The following TNR variants were observed in gnomAD, a reference collection of about 807,000 sequenced individuals.
TNR encodes the protein tenascin-R.
A neutral mutation model predicts 150.4 loss-of-function variants in TNR; 45 were observed. That is an observed-to-expected ratio of 0.30 (90% CI 0.24 to 0.38). The LOEUF is 0.38. Among genes scored for constraint, TNR ranks in the 10% least tolerant of loss-of-function variants. The pLI is 1.00. For missense variants in TNR, 1,544 were observed against 1,759.1 expected (o/e 0.88, Z 2.19); for synonymous variants, 687 against 678.4 (o/e 1.01, Z -0.20).
intron 9 of TNR, among the ~76,000 whole-genome samples, chr1:175,372,544 G>C (rs566464737): frequency 1.6e-4 from 25 of 152,362 alleles, no homozygotes; most frequent in Admixed American, 1.4e-3. Context: ...ATTAGGGCTA[G>C]AAAGGAACAG....
At chr1:175,696,245 C>CTT (rs1239771931) in intron 1 of TNR, among the ~76,000 whole-genome samples, 779 of 45,776 alleles carry the variant, frequency 0.017, 21 homozygotes, top group African/African-American at 0.062. Context: ...TTTTTTTTTT[C>CTT]CAAAATTTAA....
intron 1 of TNR, among the ~76,000 whole-genome samples, chr1:175,709,250 G>A (rs1427821534): frequency 6.6e-6 from 1 of 150,854 alleles, no homozygotes; most frequent in Non-Finnish European, 1.5e-5. Context: ...CTTGTGTGTA[G>A]CTTCTTTGTA....
chr1:175,341,232 A>G (rs1193757870), intron 18 of TNR, among the ~76,000 whole-genome samples: 1 of 152,192 alleles, frequency 6.6e-6, no homozygotes, highest in East Asian at 1.9e-4. Context: ...CCCAACATAT[A>G]TCAGCTCAGT....
At chr1:175,603,255 T>C (rs1371588354) in intron 1 of TNR, among the ~76,000 whole-genome samples, 1 of 152,192 alleles carries the variant, frequency 6.6e-6, no homozygotes, top group Non-Finnish European at 1.5e-5. Context: ...CATAAAGCAT[T>C]GAGATAACTG....
At chr1:175,367,505 C>T (rs1651899911) in intron 9 of TNR, among the ~76,000 whole-genome samples, 1 of 152,178 alleles carries the variant, frequency 6.6e-6, no homozygotes, top group Non-Finnish European at 1.5e-5. Flanking sequence ...CGCAGAGCTT[C>T]CTTCTTGCAG....
chr1:175,642,984 C>A (rs146249730), intron 1 of TNR, among the ~76,000 whole-genome samples: 1 of 151,968 alleles, frequency 6.6e-6, no homozygotes, highest in Non-Finnish European at 1.5e-5. Flanking sequence ...AAGTATTGAG[C>A]CTAAAATAGG....
At chr1:175,708,054 GT>G (rs2101932822) in intron 1 of TNR, among the ~76,000 whole-genome samples, 1 of 146,792 alleles carries the variant, frequency 6.8e-6, no homozygotes, top group East Asian at 2.0e-4. Context: ...GTGTGTGTGT[GT>G]GTGTATTTAA....
chr1:175,681,501 G>T (rs569588095), intron 1 of TNR, among the ~76,000 whole-genome samples: 4 of 152,160 alleles, frequency 2.6e-5, no homozygotes, highest in Non-Finnish European at 5.9e-5. Context: ...GAGGTGCTGC[G>T]ACTTGCCCCA....
At chr1:175,541,576 A>G (rs1240706962) in intron 1 of TNR, among the ~76,000 whole-genome samples, 7 of 152,226 alleles carry the variant, frequency 4.6e-5, no homozygotes. Flanking sequence ...CATTATAGTC[A>G]ACTGATTAAA....
intron 2 of TNR, among the ~76,000 whole-genome samples, chr1:175,486,269 T>G (rs1658008830): frequency 6.6e-6 from 1 of 152,046 alleles, no homozygotes; most frequent in African/African-American, 2.4e-5. Context: ...TGCTATCCCT[T>G]CCCTATCCCC....
intron 2 of TNR, among the ~76,000 whole-genome samples, chr1:175,441,859 A>T (rs1655801021): frequency 6.6e-6 from 1 of 152,210 alleles, no homozygotes; most frequent in African/African-American, 2.4e-5. Flanking sequence ...AAGGCTTCTT[A>T]AAAAAATCTA....
intron 1 of TNR, among the ~76,000 whole-genome samples, chr1:175,541,305 A>C (rs1420458377): frequency 6.6e-6 from 1 of 152,244 alleles, no homozygotes; most frequent in African/African-American, 2.4e-5. Flanking sequence ...TATTAAACTA[A>C]AGCAGGAAGG....
In TNR at chr1:175,698,940, A is replaced by G. The variant is rs563323478; in HGVS notation, c.-165+44286T>C. ...AGTTATGGGAAGGTTGTCAGCAGAA[A>G]AACAATATGATCTAATTTGATCACT... On this transcript the variant is annotated intron_variant, in intron 1 of 22. Coordinates refer to ENST00000367674, the MANE Select transcript of TNR (RefSeq NM_003285.3). 2.0e-5 allele frequency among the ~76,000 whole-genome samples: 3 copies of G among 152,336 alleles called. No homozygotes were observed. In the East Asian group the frequency reaches 5.8e-4, roughly 29 times the overall value.
chr1:175,367,385 C>A, intron 9 of TNR, 88 bp from the exon 10 acceptor site: 2 of 1,039,842 alleles, frequency 1.9e-6, no homozygotes, highest in Admixed American at 1.9e-5. Flanking sequence ...TCTTAGACTC[C>A]TATTCATATC....
At chr1:175,683,305 C>A (rs944624086) in intron 1 of TNR, among the ~76,000 whole-genome samples, 1 of 152,164 alleles carries the variant, frequency 6.6e-6, no homozygotes, top group East Asian at 1.9e-4. Flanking sequence ...CTAGAAAAAT[C>A]ATATTTTTCT....
chr1:175,366,170 T>C (rs1651834153), intron 10 of TNR, 32 bp from the exon 11 acceptor site: 1 of 1,555,020 alleles, frequency 6.4e-7, no homozygotes, highest in Non-Finnish European at 8.7e-7. Context: ...CTATTTTACA[T>C]GTGTTCCCCT....
intron 8 of TNR, among the ~76,000 whole-genome samples, chr1:175,385,153 A>G (rs1311538556): frequency 6.6e-6 from 1 of 152,182 alleles, no homozygotes; most frequent in Admixed American, 6.5e-5. Context: ...GACCACCCCA[A>G]GGCAAAGAGG....
Position 175,324,523 on chromosome 1 carries a change from C to T in TNR, c.3794-4G>A. On this transcript the variant is annotated splice_region_variant and splice_polypyrimidine_tract_variant and intron_variant, in intron 21 of 22. Coordinates refer to ENST00000367674, the MANE Select transcript of TNR (RefSeq NM_003285.3). ...TGATGATAGCTGAGGGAGTCCCCTG[C>T]AAAAAAGATACATTCATTAGGCTGT... 2 of 1,605,760 alleles carry T rather than the reference C, an allele frequency of 1.2e-6. No homozygotes were observed. The highest frequency in any genetic ancestry group is 1.7e-6 in the Non-Finnish European group (2 of 1,177,488).
Position 175,363,809 on chromosome 1 carries a change from T to A in TNR, c.2606A>T (p.Asp869Val). 6.2e-7 allele frequency: 1 copy of A among 1,613,006 alleles called. No individual in the cohort carries two copies. The highest frequency in any genetic ancestry group is 1.3e-5 in the African/African-American group (1 of 74,990). ...CTTGGTCACATTGCTAATTGTGATG[T>A]CTTTTGGGGGATCAATTCCTACAAG... ...SITTGIDPPK[D>V]ITISNVTKDS... is the part of the protein sequence containing the mutation. Residue 869 changes from aspartate (D) to valine (V), a missense_variant, in exon 13 of 23, where the codon GAC becomes GTC. Asp to Val is a radical substitution (Grantham distance 152). This residue lies in a region of TNR where 1,254 missense variants were observed against 1,329.4 expected (regional missense o/e 0.94). Coordinates refer to ENST00000367674, the MANE Select transcript of TNR (RefSeq NM_003285.3).
Sources: gnomAD v4.1 joint callset for allele counts (sites outside exome capture counted in the v4.1 genomes callset) on GRCh38, gnomAD v4.1.1 for gene constraint, gnomAD v4.1.1 regional missense constraint, MANE v1.5 for transcripts, NCBI Gene and HGNC (gene_info 2026-07-23, HGNC 2026-07-21) for gene names.